Variants in SGCZ observed in about 807,000 individuals in gnomAD.
SGCZ encodes sarcoglycan zeta.
A neutral mutation model predicts 41.3 loss-of-function variants in SGCZ; 40 were observed. The ratio of observed to expected loss-of-function variants is 0.97; its 90% CI spans 0.75 to 1.26. The LOEUF (loss-of-function observed/expected upper bound fraction) is 1.26. SGCZ is among the 50% of genes most tolerant of loss of function. The pLI, the probability that SGCZ is intolerant of heterozygous loss-of-function variation, is 0.00. For synonymous variants in SGCZ, 206 were observed against 137.5 expected (o/e 1.50, Z -3.49); for missense variants, 552 against 369.8 (o/e 1.49, Z -4.04).
chr8:14,327,502 T>C (rs973976129), intron 2 of SGCZ, among the ~76,000 whole-genome samples: 2 of 152,174 alleles, frequency 1.3e-5, no homozygotes, highest in Admixed American at 6.5e-5. Flanking sequence ...TGGGAGACTA[T>C]TTCAGAGCAA....
chr8:14,471,895 A>G (rs1447392752), intron 2 of SGCZ, among the ~76,000 whole-genome samples: 1 of 152,082 alleles, frequency 6.6e-6, no homozygotes, highest in African/African-American at 2.4e-5. Flanking sequence ...TCTATGTCAA[A>G]GAAATAATGA....
intron 2 of SGCZ, among the ~76,000 whole-genome samples, chr8:14,376,558 C>A (rs1804138589): frequency 6.6e-6 from 1 of 151,980 alleles, no homozygotes; most frequent in Non-Finnish European, 1.5e-5. Context: ...AATAATCAGA[C>A]CCAGATGGTT....
At chr8:14,959,574 T>C (rs1800899073) in intron 1 of SGCZ, among the ~76,000 whole-genome samples, 1 of 152,136 alleles carries the variant, frequency 6.6e-6, no homozygotes, top group Admixed American at 6.6e-5. Flanking sequence ...ATCTATTCAG[T>C]GTATGGGCTT....
At chr8:14,497,560 A>ATG (rs35100445) in intron 2 of SGCZ, among the ~76,000 whole-genome samples, 3,654 of 150,772 alleles carry the variant, frequency 0.024, 71 homozygotes, top group African/African-American at 0.053. Context: ...GTGTGTGCGT[A>ATG]TGTGTGTGTG....
chr8:14,633,025 T>C (rs983785243), intron 1 of SGCZ, among the ~76,000 whole-genome samples: 1 of 151,964 alleles, frequency 6.6e-6, no homozygotes, highest in Admixed American at 6.6e-5. Flanking sequence ...AATCCCAAAA[T>C]AGGTAGAGAA....
intron 2 of SGCZ, among the ~76,000 whole-genome samples, chr8:14,407,983 G>C (rs1350028478): frequency 6.6e-6 from 1 of 152,126 alleles, no homozygotes; most frequent in Non-Finnish European, 1.5e-5. Context: ...CGGAGAGATA[G>C]TTATTTAATG....
chr8:14,324,432 G>A (rs576939896), intron 2 of SGCZ, among the ~76,000 whole-genome samples: 2 of 152,132 alleles, frequency 1.3e-5, no homozygotes, highest in South Asian at 2.1e-4. Context: ...TGTCTTCTTC[G>A]AGCTCTACCA....
At chr8:14,708,150 T>G (rs1214474278) in intron 1 of SGCZ, among the ~76,000 whole-genome samples, 1 of 151,930 alleles carries the variant, frequency 6.6e-6, no homozygotes, top group Non-Finnish European at 1.5e-5. Context: ...AAATTATATT[T>G]TAATTAGACT....
chr8:14,671,683 T>C (rs1283914215), intron 1 of SGCZ, among the ~76,000 whole-genome samples: 1 of 152,102 alleles, frequency 6.6e-6, no homozygotes, highest in Non-Finnish European at 1.5e-5. Context: ...ATTCAAACCA[T>C]GCATTTTCAC....
intron 2 of SGCZ, among the ~76,000 whole-genome samples, chr8:14,348,174 T>C (rs1391314785): frequency 1.3e-5 from 2 of 152,082 alleles, no homozygotes; most frequent in South Asian, 2.1e-4. Context: ...AAACTCAAGA[T>C]AGCCATTGGA....
chr8:14,730,231 G>A (rs2130233900), intron 1 of SGCZ, among the ~76,000 whole-genome samples: 1 of 152,196 alleles, frequency 6.6e-6, no homozygotes, highest in South Asian at 2.1e-4. Flanking sequence ...GGTACAACTG[G>A]CACATTCTTT....
At chr8:14,204,197 T>C (rs969309356) in intron 4 of SGCZ, among the ~76,000 whole-genome samples, 19 of 151,766 alleles carry the variant, frequency 1.3e-4, no homozygotes, top group African/African-American at 4.4e-4. Flanking sequence ...ACGAAAGAAA[T>C]AGATGGGGGT....
chr8:15,056,423 C>T (rs112475070), intron 1 of SGCZ, among the ~76,000 whole-genome samples: 26 of 151,962 alleles, frequency 1.7e-4, no homozygotes, highest in South Asian at 2.1e-4. Flanking sequence ...ACTCTTACTC[C>T]GGGATTCAAA....
intron 2 of SGCZ, among the ~76,000 whole-genome samples, chr8:14,418,187 G>A (rs904378916): frequency 4.6e-5 from 7 of 151,848 alleles, no homozygotes; most frequent in African/African-American, 1.7e-4. Context: ...GCAGTTCAAC[G>A]GGATGTATAC....
chr8:14,950,260 A>G (rs1256411639), intron 1 of SGCZ, among the ~76,000 whole-genome samples: 3 of 152,060 alleles, frequency 2.0e-5, no homozygotes, highest in Non-Finnish European at 4.4e-5. Context: ...AATAAGTAGG[A>G]ACAAACCAAA....
At chr8:14,528,915 G>A (rs1803041014) in intron 2 of SGCZ, among the ~76,000 whole-genome samples, 1 of 151,210 alleles carries the variant, frequency 6.6e-6, no homozygotes, top group South Asian at 2.1e-4. Flanking sequence ...ATTTAGAAGG[G>A]ATCTCAGACA....
chr8:14,279,366 T>C (rs187332244), intron 3 of SGCZ, among the ~76,000 whole-genome samples: 302 of 152,158 alleles, frequency 2.0e-3, no homozygotes, highest in Non-Finnish European at 3.5e-3. Flanking sequence ...ATTTAAAAGC[T>C]AAAATATACT....
intron 1 of SGCZ, among the ~76,000 whole-genome samples, chr8:14,859,476 G>C (rs929009038): frequency 6.6e-6 from 1 of 152,074 alleles, no homozygotes; most frequent in Non-Finnish European, 1.5e-5. Flanking sequence ...AAGAGTCTCA[G>C]GGACACATTG....
intron 1 of SGCZ, among the ~76,000 whole-genome samples, chr8:15,236,164 A>G (rs1384410244): frequency 1.3e-5 from 2 of 152,154 alleles, no homozygotes; most frequent in African/African-American, 2.4e-5. Flanking sequence ...AGGTCTTCTC[A>G]CTGTCCTCCC....
Sources: allele counts gnomAD v4.1 joint callset (sites outside exome capture counted in the v4.1 genomes callset), GRCh38; gene constraint gnomAD v4.1.1; transcripts MANE v1.5; gene names NCBI Gene and HGNC (gene_info 2026-07-23, HGNC 2026-07-21).